The following KIAA1549L variants were observed in gnomAD, a reference collection of about 807,000 sequenced individuals.
KIAA1549L encodes the protein UPF0606 protein KIAA1549L.
In KIAA1549L, 88 loss-of-function variants were observed where a neutral mutation model predicts 160.7. The ratio of observed to expected loss-of-function variants is 0.55; its 90% confidence interval spans 0.46 to 0.65. The LOEUF is 0.65. Among genes scored for constraint, KIAA1549L ranks in the 30% least tolerant of loss-of-function variants. The pLI, the probability that KIAA1549L is intolerant of heterozygous loss-of-function variation, is 0.00. For synonymous variants in KIAA1549L, 950 were observed against 976.7 expected (o/e 0.97, Z 0.51); for missense variants, 2,258 against 2,437.5 (o/e 0.93, Z 1.55).
chr11:33,597,328 G>T (rs1399789760), intron 12 of KIAA1549L, among the ~76,000 whole-genome samples: 2 of 152,144 alleles, frequency 1.3e-5, no homozygotes, highest in Non-Finnish European at 2.9e-5. Context: ...GGCTTTTAGG[G>T]TATTAAAGTG....
intron 15 of KIAA1549L, among the ~76,000 whole-genome samples, chr11:33,610,698 C>T (rs922753074): frequency 2.6e-5 from 4 of 152,214 alleles, no homozygotes; most frequent in African/African-American, 9.7e-5. Flanking sequence ...AAAGGGAGTC[C>T]TGTCCCAGCA....
chr11:33,649,137 C>T (rs952358584), intron 17 of KIAA1549L, among the ~76,000 whole-genome samples: 3 of 152,052 alleles, frequency 2.0e-5, no homozygotes, highest in Non-Finnish European at 2.9e-5. Context: ...TCTTTCTACC[C>T]GCTGGGTGAC....
chr11:33,411,488 C>T (rs555116384), intron 1 of KIAA1549L, among the ~76,000 whole-genome samples: 2 of 152,210 alleles, frequency 1.3e-5, no homozygotes, highest in South Asian at 2.1e-4. Flanking sequence ...GTTTTTGAGG[C>T]GGTGGTGGTT....
At chr11:33,495,041 A>T (rs1424967633) in intron 1 of KIAA1549L, among the ~76,000 whole-genome samples, 1 of 152,188 alleles carries the variant, frequency 6.6e-6, no homozygotes, top group Non-Finnish European at 1.5e-5. Context: ...CAAGTGCCTT[A>T]GGCCACTTTC....
chr11:33,648,408 G>GT (rs1188693485), intron 17 of KIAA1549L, among the ~76,000 whole-genome samples: 1 of 151,628 alleles, frequency 6.6e-6, no homozygotes, highest in Non-Finnish European at 1.5e-5. Context: ...ATACAGAGTA[G>GT]AAATGATGAT....
intron 1 of KIAA1549L, among the ~76,000 whole-genome samples, chr11:33,478,351 A>G (rs566826910): frequency 2.0e-5 from 3 of 152,340 alleles, no homozygotes; most frequent in South Asian, 2.1e-4. Context: ...CTGCAAAGCT[A>G]TGTCTTGCAG....
At chr11:33,638,418 T>TAAAAA (rs1206356477) in intron 16 of KIAA1549L, among the ~76,000 whole-genome samples, 3 of 11,586 alleles carry the variant, frequency 2.6e-4, no homozygotes, top group South Asian at 2.2e-3. Flanking sequence ...TTCTCTAAAA[T>TAAAAA]AAATAAAAAA....
intron 6 of KIAA1549L, among the ~76,000 whole-genome samples, chr11:33,552,692 A>G (rs200290011): frequency 0.16 from 23,238 of 148,374 alleles, 2,347 homozygotes; most frequent in East Asian, 0.32. Flanking sequence ...ACACACACAC[A>G]CACACACACA....
At chr11:33,419,498 G>A (rs941488177) in intron 1 of KIAA1549L, among the ~76,000 whole-genome samples, 2 of 152,042 alleles carry the variant, frequency 1.3e-5, no homozygotes, top group Admixed American at 6.6e-5. Flanking sequence ...ATTTCCCCCC[G>A]TCCTTCATCA....
chr11:33,504,644 C>T (rs556215045), intron 1 of KIAA1549L, among the ~76,000 whole-genome samples: 7 of 151,778 alleles, frequency 4.6e-5, no homozygotes, highest in Non-Finnish European at 1.0e-4. Flanking sequence ...ATTTTTGTAT[C>T]TTTAGTAGAG....
chr11:33,591,681 G>A (rs1850058825), intron 12 of KIAA1549L, among the ~76,000 whole-genome samples: 1 of 152,208 alleles, frequency 6.6e-6, no homozygotes, highest in South Asian at 2.1e-4. Context: ...AGCAAATTTA[G>A]CACTGATGTT....
At chr11:33,594,424 T>C (rs1254778337) in intron 12 of KIAA1549L, among the ~76,000 whole-genome samples, 2 of 152,184 alleles carry the variant, frequency 1.3e-5, no homozygotes, top group African/African-American at 4.8e-5. Context: ...TGCTTATGCA[T>C]CTCCAGTCAG....
At chr11:33,472,287 T>A (rs1476903038) in intron 1 of KIAA1549L, among the ~76,000 whole-genome samples, 1 of 149,892 alleles carries the variant, frequency 6.7e-6, no homozygotes. Context: ...TTTTTTTTTT[T>A]TTTTTTTTTT....
chr11:33,613,737 T>A (rs957445390), intron 15 of KIAA1549L, among the ~76,000 whole-genome samples: 4 of 152,104 alleles, frequency 2.6e-5, no homozygotes, highest in African/African-American at 9.7e-5. Flanking sequence ...CCAAACTAGA[T>A]CAATCAGTAA....
intron 1 of KIAA1549L, among the ~76,000 whole-genome samples, chr11:33,508,501 T>A (rs1015406271): frequency 6.6e-6 from 1 of 152,224 alleles, no homozygotes; most frequent in African/African-American, 2.4e-5. Context: ...TGGCTGCTGG[T>A]GTAATGTACA....
At chr11:33,603,353 AGGG>A (rs1850411778) in intron 13 of KIAA1549L, among the ~76,000 whole-genome samples, 1 of 151,950 alleles carries the variant, frequency 6.6e-6, no homozygotes, top group African/African-American at 2.4e-5. Flanking sequence ...AGGGTAATGA[AGGG>A]GGGATTAGAT....
In KIAA1549L at chr11:33,559,679, T is replaced by C; in HGVS notation, c.3856-70T>C. 3 of 1,368,704 alleles carry C rather than the reference T, an allele frequency of 2.2e-6. No homozygotes were observed. The South Asian group carries it at 3.6e-5, about 17-fold the overall frequency. 84.8% of individuals were successfully genotyped at this position (1,368,704 alleles called of 1,614,324 possible). A position where few individuals can be genotyped will look rare whatever the true frequency, so the allele number is the denominator to read the frequency against. ...ACTCCTGCTTAGCCTCCCCCTCCCATGGCCTCCATGAAACACACCCTGGTC... is the reference window on the plus strand; with the variant it reads ...ACTCCTGCTTAGCCTCCCCCTCCCACGGCCTCCATGAAACACACCCTGGTC... On this transcript the variant is annotated intron_variant, in intron 6 of 20. Transcript: ENST00000658780.
chr11:33,562,482 A>G (rs1205690944), intron 8 of KIAA1549L, among the ~76,000 whole-genome samples: 2 of 152,138 alleles, frequency 1.3e-5, no homozygotes, highest in Non-Finnish European at 2.9e-5. Context: ...CCTGGAGACT[A>G]GAAGTCTAAA....
chr11:33,423,849 G>A (rs1475778137), intron 1 of KIAA1549L, among the ~76,000 whole-genome samples: 1 of 152,158 alleles, frequency 6.6e-6, no homozygotes, highest in Non-Finnish European at 1.5e-5. Flanking sequence ...GCAACATAGC[G>A]AGATGCTGTC....
Sources: gnomAD v4.1 joint callset for allele counts (sites outside exome capture counted in the v4.1 genomes callset) on GRCh38, gnomAD v4.1.1 for gene constraint, MANE v1.5 for transcripts, NCBI Gene and HGNC (gene_info 2026-07-23, HGNC 2026-07-21) for gene names.